The following COLGALT2 variants were observed in gnomAD, a reference collection of about 807,000 sequenced individuals.
COLGALT2 encodes the protein collagen beta(1-O)galactosyltransferase 2.
Under a neutral mutation model 73.4 loss-of-function variants are expected in COLGALT2, and 49 were observed. That is an observed-to-expected ratio of 0.67 (90% CI 0.53 to 0.85). The LOEUF (loss-of-function observed/expected upper bound fraction) is 0.85. Ranked by LOEUF, COLGALT2 falls within the 40% of genes least tolerant of loss-of-function variation. The pLI, the probability that COLGALT2 is intolerant of heterozygous loss-of-function variation, is 0.00. For missense variants in COLGALT2, 722 were observed against 790.2 expected (o/e 0.91, Z 1.03); for synonymous variants, 295 against 307.6 (o/e 0.96, Z 0.43).
At position 183,936,128 on chromosome 1, in the gene COLGALT2, G is replaced by T. The variant is rs1669945890; in HGVS notation, c.*2633C>A. ...AGATCCCAAGAGAAATCCAGACAGG[G>T]TTTAGCCTCCAGAGGCAGAGAGCGG... On this transcript the variant is annotated 3_prime_UTR_variant, in exon 12 of 12. Coordinates refer to ENST00000361927, the MANE Select transcript of COLGALT2 (RefSeq NM_015101.4). 10 of 985,712 alleles carry T rather than the reference G, an allele frequency of 1.0e-5. No homozygotes were observed. The highest frequency in any genetic ancestry group is 1.2e-5 in the Non-Finnish European group (10 of 830,176). 61.1% of individuals were successfully genotyped at this position (985,712 alleles called of 1,614,324 possible). A position where few individuals can be genotyped will look rare whatever the true frequency, so the allele number is the denominator to read the frequency against.
intron 4 of COLGALT2, among the ~76,000 whole-genome samples, chr1:183,973,261 C>T (rs1325943399): frequency 1.3e-5 from 2 of 151,926 alleles, no homozygotes; most frequent in African/African-American, 4.8e-5. Flanking sequence ...TGTTGGTTTT[C>T]TTTTAAACTT....
chr1:183,991,723 G>A (rs993372482), intron 1 of COLGALT2, among the ~76,000 whole-genome samples: 2 of 152,136 alleles, frequency 1.3e-5, no homozygotes, highest in Non-Finnish European at 2.9e-5. Flanking sequence ...ACTACAGTTT[G>A]GCAGGTGTTA....
chr1:183,997,340 C>G (rs1191172140), intron 1 of COLGALT2, among the ~76,000 whole-genome samples: 1 of 152,100 alleles, frequency 6.6e-6, no homozygotes. Context: ...TTGTACATAC[C>G]ACCTAGCTTA....
Position 183,936,336 on chromosome 1 carries a change from C to G in COLGALT2, c.*2425G>C, listed in dbSNP as rs1161116692. Reference sequence around the variant, plus strand: ...TAAAAAAAAAGTCACATCTGCGGCTCACAGTGTTCACCAGAAAAGAACACT... The same window carrying G: ...TAAAAAAAAAGTCACATCTGCGGCTGACAGTGTTCACCAGAAAAGAACACT... On this transcript the variant is annotated 3_prime_UTR_variant, in exon 12 of 12. Coordinates refer to ENST00000361927, the MANE Select transcript of COLGALT2 (RefSeq NM_015101.4). 2 of 976,994 alleles carry G rather than the reference C, an allele frequency of 2.0e-6. No homozygotes were observed. Among genetic ancestry groups the G allele is most frequent in the Admixed American group, 6.5e-5 (1 of 15,306 alleles). The allele number at this position is 976,994 out of a possible 1,614,324, so 60.5% of individuals were successfully genotyped here.
At chr1:183,971,730 T>C (rs978131594) in intron 4 of COLGALT2, among the ~76,000 whole-genome samples, 11 of 152,180 alleles carry the variant, frequency 7.2e-5, no homozygotes, top group African/African-American at 2.2e-4. Flanking sequence ...GGACCACACA[T>C]TGTTAAATTT....
chr1:183,943,659 C>T (rs1405177714), intron 10 of COLGALT2, among the ~76,000 whole-genome samples: 1 of 152,122 alleles, frequency 6.6e-6, no homozygotes, highest in African/African-American at 2.4e-5. Flanking sequence ...CAGCCTCAGA[C>T]CCTTCCCCAA....
At chr1:183,989,751 C>A (rs1054837132) in intron 1 of COLGALT2, among the ~76,000 whole-genome samples, 1 of 152,224 alleles carries the variant, frequency 6.6e-6, no homozygotes, top group African/African-American at 2.4e-5. Context: ...ATGGCTCTTT[C>A]ACCAATTAAC....
chr1:183,936,730 C>T lies in COLGALT2; in HGVS notation c.*2031G>A. On this transcript the variant is annotated 3_prime_UTR_variant, in exon 12 of 12. Transcript: ENST00000361927. ...AATTTTCACTCGCTCCCCAGATGCT[C>T]TTTCTGTTTTTCTGGGGGTGGGTGG... 5 of 1,230,578 alleles carry T rather than the reference C, an allele frequency of 4.1e-6. No individual in the cohort carries two copies. Among genetic ancestry groups the T allele is most frequent in the Non-Finnish European group, 4.0e-6 (4 of 987,748 alleles). 76.2% of individuals were successfully genotyped at this position (1,230,578 alleles called of 1,614,324 possible). A position where few individuals can be genotyped will look rare whatever the true frequency, so the allele number is the denominator to read the frequency against.
rs11347812 is a variant in COLGALT2, at chr1:184,034,278, CTT to C, written c.263+2815_263+2816del. Among the ~76,000 whole-genome samples the C allele has an allele frequency of 1.7e-3, 237 of 142,990 alleles. 2 individuals carry two copies. The highest frequency in any genetic ancestry group is 7.8e-3 in the South Asian group (35 of 4,488). 93.8% of individuals were successfully genotyped at this position (142,990 alleles called of 152,430 possible). On this transcript the variant is annotated intron_variant, in intron 1 of 11. Coordinates refer to ENST00000361927, the MANE Select transcript of COLGALT2 (RefSeq NM_015101.4). ...AAAACTCTGGTTGATGCCCTATTAT[CTT>C]TTTTTTTTTTTTTGCTTGTTTTTTG...
chr1:183,976,958 T>G (rs528906228), intron 2 of COLGALT2, among the ~76,000 whole-genome samples: 1 of 152,316 alleles, frequency 6.6e-6, no homozygotes, highest in Admixed American at 6.5e-5. Context: ...AGTGTGGGGT[T>G]TGGAAATAAA....
chr1:183,960,644 C>A (rs1670674789), intron 6 of COLGALT2, among the ~76,000 whole-genome samples: 1 of 152,226 alleles, frequency 6.6e-6, no homozygotes. Flanking sequence ...GAACAAAATG[C>A]ATATACTAAT....
At chr1:184,029,764 C>T (rs115419473) in intron 1 of COLGALT2, among the ~76,000 whole-genome samples, 1,628 of 152,244 alleles carry the variant, frequency 0.011, 26 homozygotes, top group African/African-American at 0.037. Flanking sequence ...GAGAGCAGGA[C>T]GGGTGTTATC....
intron 8 of COLGALT2, 47 bp downstream of exon 8, chr1:183,950,960 A>G: frequency 1.5e-6 from 2 of 1,356,618 alleles, no homozygotes; most frequent in Non-Finnish European, 2.1e-6. Flanking sequence ...GAGAAGACAC[A>G]TCCACACTCC....
intron 5 of COLGALT2, among the ~76,000 whole-genome samples, chr1:183,966,110 G>A (rs1366096265): frequency 6.6e-6 from 1 of 152,150 alleles, no homozygotes; most frequent in Admixed American, 6.5e-5. Flanking sequence ...AGTGATGCAG[G>A]GTGATGTGCA....
intron 1 of COLGALT2, among the ~76,000 whole-genome samples, chr1:184,019,556 C>G (rs1649111476): frequency 2.6e-5 from 4 of 152,086 alleles, no homozygotes; most frequent in Admixed American, 2.6e-4. Context: ...TGGCCTCATT[C>G]CTATTTTAGG....
intron 1 of COLGALT2, among the ~76,000 whole-genome samples, chr1:183,990,427 C>G (rs1487099685): frequency 2.0e-5 from 3 of 152,234 alleles, no homozygotes; most frequent in Non-Finnish European, 2.9e-5. Flanking sequence ...TGCTGGAAAG[C>G]AACACCTTGT....
chr1:183,931,788 C>A, downstream of COLGALT2, among the ~76,000 whole-genome samples: 1 of 132,030 alleles, frequency 7.6e-6, no homozygotes, highest in Non-Finnish European at 1.6e-5. Context: ...GTTACCAATG[C>A]AGCAAGTTAA....
intron 4 of COLGALT2, among the ~76,000 whole-genome samples, chr1:183,970,360 A>G (rs1671003741): frequency 6.6e-6 from 1 of 152,234 alleles, no homozygotes; most frequent in Non-Finnish European, 1.5e-5. Context: ...GCTCACTGGA[A>G]TGAGTGTTAA....
At position 183,936,327 on chromosome 1, in the gene COLGALT2, T is replaced by A. The variant is rs952052700; in HGVS notation, c.*2434A>T. The A allele has an allele frequency of 1.0e-6, 1 of 981,372 alleles. No individual in the cohort carries two copies. 60.8% of individuals were successfully genotyped at this position (981,372 alleles called of 1,614,324 possible). ...AGATGACTTTAAAAAAAAAGTCACA[T>A]CTGCGGCTCACAGTGTTCACCAGAA... On this transcript the variant is annotated 3_prime_UTR_variant, in exon 12 of 12. Transcript: ENST00000361927.
Sources: allele counts gnomAD v4.1 joint callset (sites outside exome capture counted in the v4.1 genomes callset), GRCh38; gene constraint gnomAD v4.1.1; transcripts MANE v1.5; gene names NCBI Gene and HGNC (gene_info 2026-07-23, HGNC 2026-07-21).